Variants in TMEM167B observed in about 807,000 individuals in gnomAD.
TMEM167B encodes the protein transmembrane protein 167B.
TMEM167B carries 2 observed loss-of-function variants against 9.4 expected under a neutral mutation model. That is an observed-to-expected ratio of 0.21 (90% confidence interval 0.09 to 0.67). The LOEUF (loss-of-function observed/expected upper bound fraction) is 0.67. Ranked by LOEUF, TMEM167B falls within the 30% of genes least tolerant of loss-of-function variation. TMEM167B has a pLI of 0.82. For synonymous variants in TMEM167B, 28 were observed against 32.0 expected (o/e 0.87, Z 0.42); for missense variants, 68 against 87.6 (o/e 0.78, Z 0.89).
chr1:109,096,608 A>T lies in TMEM167B; in HGVS notation c.*2109A>T, dbSNP rs1367266451. 1 of 152,246 alleles carries T rather than the reference A, an allele frequency of 6.6e-6. No individual in the cohort carries two copies. Among genetic ancestry groups the T allele is most frequent in the Non-Finnish European group, 1.5e-5 (1 of 68,048 alleles). 9.4% of individuals were successfully genotyped at this position (152,246 alleles called of 1,614,324 possible). ...ATGTACCAAAAAGTGCACAAGGTAA[A>T]GGTAATTTACAGCCAGAAACAAATA... is the stretch of plus-strand genomic sequence containing the variant. On this transcript the variant is annotated 3_prime_UTR_variant, in exon 3 of 3. Coordinates refer to ENST00000338272, the MANE Select transcript of TMEM167B (RefSeq NM_020141.4).
At chr1:109,091,220 C>T (rs1315751565) in intron 1 of TMEM167B, among the ~76,000 whole-genome samples, 1 of 152,218 alleles carries the variant, frequency 6.6e-6, no homozygotes, top group Non-Finnish European at 1.5e-5. Flanking sequence ...GAGGCTCCTC[C>T]TCCCAGCTCC....
chr1:109,091,123 C>T (rs1419761454), intron 1 of TMEM167B, among the ~76,000 whole-genome samples: 2 of 152,226 alleles, frequency 1.3e-5, no homozygotes, highest in East Asian at 3.8e-4. Context: ...CTATGCTTTG[C>T]TTTCCCTTTT....
At chr1:109,092,842 C>T (rs200268755) in intron 1 of TMEM167B, 48 bp from the exon 2 acceptor site, 7 of 1,601,270 alleles carry the variant, frequency 4.4e-6, no homozygotes, top group Non-Finnish European at 5.1e-6. Flanking sequence ...ATCACAGGTC[C>T]GACGCTAGAT....
rs1396595320 is a variant in TMEM167B, at chr1:109,094,449, G to A, written c.175G>A (p.Val59Met). 1 of 1,614,064 alleles carries A rather than the reference G, an allele frequency of 6.2e-7. No homozygotes were observed. The highest frequency in any genetic ancestry group is 8.5e-7 in the Non-Finnish European group (1 of 1,180,032). The change falls in exon 3 of 3, where the codon GTG (valine) becomes ATG (methionine). Residue 59 changes from valine to methionine, a missense_variant. Val to Met is a conservative substitution (Grantham distance 21, BLOSUM62 1). Transcript: ENST00000338272. ...AVIGTRLHAA[V>M]AIACVVMAFY... ...GATTGGAACCAGGCTGCATGCTGCT[G>A]TGGCAATTGCTTGTGTTGTAATGGC...
rs1458711449 is a variant in TMEM167B, at chr1:109,090,842, G to A, written c.-31G>A. 1 of 1,582,664 alleles carries A rather than the reference G, an allele frequency of 6.3e-7. No homozygotes were observed. Among genetic ancestry groups the A allele is most frequent in the Non-Finnish European group, 8.6e-7 (1 of 1,164,204 alleles). On this transcript the variant is annotated 5_prime_UTR_variant, in exon 1 of 3. Transcript: ENST00000338272. ...TCCGCCGCTATTACCACTGAACCCG[G>A]ACCCCCTACCCAGGTCCAGGGCCAG... is the stretch of plus-strand genomic sequence containing the variant.
Position 109,094,517 on chromosome 1 carries a change from T to G in TMEM167B, c.*18T>G, listed in dbSNP as rs767161967. ...TAAAATGAATTCCAAAGCACCCAAG[T>G]CATCAACTGCCAACCAAGGGGACGG... is the stretch of plus-strand genomic sequence containing the variant. On this transcript the variant is annotated 3_prime_UTR_variant, in exon 3 of 3. Transcript: ENST00000338272. 3.7e-6 allele frequency: 6 copies of G among 1,612,732 alleles called. No individual in the cohort carries two copies. Among genetic ancestry groups the G allele is most frequent in the Non-Finnish European group, 4.2e-6 (5 of 1,179,458 alleles).
At position 109,095,765 on chromosome 1, in the gene TMEM167B, T is replaced by C. The variant is rs371945989; in HGVS notation, c.*1266T>C. ...AGTAGAAGAAAACAGAACTTTGCAA[T>C]TGATACTGAAGTACTTTGCCATGGA... is the stretch of plus-strand genomic sequence containing the variant. On this transcript the variant is annotated 3_prime_UTR_variant, in exon 3 of 3. Coordinates refer to ENST00000338272, the MANE Select transcript of TMEM167B (RefSeq NM_020141.4). 4 of 152,174 alleles carry C rather than the reference T, an allele frequency of 2.6e-5. No individual in the cohort carries two copies. Among genetic ancestry groups the C allele is most frequent in the Non-Finnish European group, 4.4e-5 (3 of 68,040 alleles). The allele number at this position is 152,174 out of a possible 1,614,324, so 9.4% of individuals were successfully genotyped here.
rs192334124 is a variant in TMEM167B, at chr1:109,094,535, G to C, written c.*36G>C. ...ACCCAAGTCATCAACTGCCAACCAA[G>C]GGGACGGGGATGAAGAACCTGTTGG... On this transcript the variant is annotated 3_prime_UTR_variant, in exon 3 of 3. Transcript: ENST00000338272. 5.9e-4 allele frequency: 941 copies of C among 1,604,660 alleles called. No individual in the cohort carries two copies. Among genetic ancestry groups the C allele is most frequent in the Non-Finnish European group, 6.7e-4 (787 of 1,172,434 alleles).
chr1:109,093,169 A>G, intron 2 of TMEM167B, 148 bp downstream of exon 2: 1 of 1,173,304 alleles, frequency 8.5e-7, no homozygotes, highest in Non-Finnish European at 1.2e-6. Flanking sequence ...TGGAAAATTA[A>G]TCATTCTCCA....
At position 109,091,835 on chromosome 1, in the gene TMEM167B, G is replaced by A. The variant is rs182118107; in HGVS notation, c.10+953G>A. ...GCTTAGCTGTGAGACAGTTTTACTG[G>A]AGGAAGAGAGGTAGTGTGATCTAGA... is the stretch of plus-strand genomic sequence containing the variant. On this transcript the variant is annotated intron_variant, in intron 1 of 2. Coordinates refer to ENST00000338272, the MANE Select transcript of TMEM167B (RefSeq NM_020141.4). 7 of 152,306 alleles carry A rather than the reference G, an allele frequency of 4.6e-5. No homozygotes were observed. The East Asian group carries it at 1.3e-3, about 29-fold the overall frequency. 9.4% of individuals were successfully genotyped at this position (152,306 alleles called of 1,614,324 possible). A position where few individuals can be genotyped will look rare whatever the true frequency, so the allele number is the denominator to read the frequency against.
rs1664529322 is a variant in TMEM167B at position 109,094,740 on chromosome 1, C to T, written c.*241C>T. 1 of 497,660 alleles carries T rather than the reference C, an allele frequency of 2.0e-6. No individual in the cohort carries two copies. The highest frequency in any genetic ancestry group is 3.6e-6 in the Non-Finnish European group (1 of 279,854). 30.8% of individuals were successfully genotyped at this position (497,660 alleles called of 1,614,324 possible). On this transcript the variant is annotated 3_prime_UTR_variant, in exon 3 of 3. Coordinates refer to ENST00000338272, the MANE Select transcript of TMEM167B (RefSeq NM_020141.4). ...GTGTAAATCAGTCCTTGGCAGAGTGCATATAATGTCCGGATAAATTACACC... is the reference window on the plus strand; with the variant it reads ...GTGTAAATCAGTCCTTGGCAGAGTGTATATAATGTCCGGATAAATTACACC...
Position 109,093,131 on chromosome 1 carries a change from A to G in TMEM167B, c.142+110A>G, listed in dbSNP as rs538956997. 11 of 1,446,114 alleles carry G rather than the reference A, an allele frequency of 7.6e-6. No individual in the cohort carries two copies. The East Asian group carries it at 1.8e-4, about 24-fold the overall frequency. 89.6% of individuals were successfully genotyped at this position (1,446,114 alleles called of 1,614,324 possible). On this transcript the variant is annotated intron_variant, in intron 2 of 2. Coordinates refer to ENST00000338272, the MANE Select transcript of TMEM167B (RefSeq NM_020141.4). ...TTATATTTGGTTTCATTTTTAGAAA[A>G]AAATCCCTCCGATTGGGTCTGAGAG... is the stretch of plus-strand genomic sequence containing the variant.
At chr1:109,092,815 T>C in intron 1 of TMEM167B, 75 bp from the exon 2 acceptor site, 1 of 1,544,824 alleles carries the variant, frequency 6.5e-7, no homozygotes, top group Non-Finnish European at 8.8e-7. Flanking sequence ...CTATCTTCCT[T>C]AGAGTTCTCA....
In TMEM167B at chr1:109,094,604, C is replaced by A; in HGVS notation, c.*105C>A. The A allele has an allele frequency of 9.3e-6, 10 of 1,081,074 alleles. No individual in the cohort carries two copies. The South Asian group carries it at 9.3e-5, about 10-fold the overall frequency. The allele number at this position is 1,081,074 out of a possible 1,614,324, so 67.0% of individuals were successfully genotyped here. On this transcript the variant is annotated 3_prime_UTR_variant, in exon 3 of 3. Coordinates refer to ENST00000338272, the MANE Select transcript of TMEM167B (RefSeq NM_020141.4). Reference sequence around the variant, plus strand: ...GGAGAGTTCAGCTGAAATCATCGGTCCCCAGGATGACACCACAGCATCTGC... The same window carrying A: ...GGAGAGTTCAGCTGAAATCATCGGTACCCAGGATGACACCACAGCATCTGC...
rs142508880 is a variant in TMEM167B at position 109,092,671 on chromosome 1, A to C, written c.11-219A>C. Among the ~76,000 whole-genome samples, 1,186 of 152,256 alleles carry C rather than the reference A, an allele frequency of 7.8e-3. 8 individuals are homozygous for C. Among genetic ancestry groups the C allele is most frequent in the Non-Finnish European group, 0.013 (854 of 68,024 alleles). On this transcript the variant is annotated intron_variant, in intron 1 of 2. Transcript: ENST00000338272. The stretch of plus-strand genomic sequence containing the variant: ...ATTGCAGCCTCGAACTCCTGGGCTC[A>C]ATTGATCCCCCTTCCTCCTACAAGC...
chr1:109,092,466 C>G (rs1664470687), intron 1 of TMEM167B, among the ~76,000 whole-genome samples: 1 of 152,140 alleles, frequency 6.6e-6, no homozygotes, highest in East Asian at 1.9e-4. Flanking sequence ...ATGTCTCAAT[C>G]TATTGCCAAC....
chr1:109,094,335 C>A, intron 2 of TMEM167B, 82 bp from the exon 3 acceptor site: 1 of 1,384,920 alleles, frequency 7.2e-7, no homozygotes, highest in Non-Finnish European at 1.0e-6. Flanking sequence ...CTGTCTGTGA[C>A]TAGAGACTTC....
chr1:109,093,046 A>G (rs760729069), intron 2 of TMEM167B, 25 bp downstream of exon 2: 1 of 1,613,692 alleles, frequency 6.2e-7, no homozygotes, highest in Non-Finnish European at 8.5e-7. Flanking sequence ...GGACAGGGAG[A>G]AGAGACTGCC....
chr1:109,094,272 T>C (rs1664517378), intron 2 of TMEM167B, 145 bp from the exon 3 acceptor site: 3 of 784,380 alleles, frequency 3.8e-6, no homozygotes, highest in Non-Finnish European at 6.1e-6. Context: ...AGAGTGAGAC[T>C]GCCTCCAAAA....
Sources: allele counts gnomAD v4.1 joint callset (sites outside exome capture counted in the v4.1 genomes callset), GRCh38; gene constraint gnomAD v4.1.1; transcripts MANE v1.5; gene names NCBI Gene and HGNC (gene_info 2026-07-23, HGNC 2026-07-21).